Variants in TDP1 observed in about 807,000 individuals in gnomAD.
TDP1 encodes tyr-DNA phosphodiesterase 1.
A neutral mutation model predicts 81.5 loss-of-function variants in TDP1; 64 were observed. The ratio of observed to expected loss-of-function variants is 0.79; its 90% CI spans 0.64 to 0.97. The LOEUF is 0.97. Ranked by LOEUF, TDP1 falls within the 50% of genes least tolerant of loss-of-function variation. The pLI is 0.00. For synonymous variants in TDP1, 256 were observed against 264.3 expected, an observed-to-expected ratio of 0.97 and a Z score of 0.30; for missense variants, 723 against 743.8, an observed-to-expected ratio of 0.97 and a Z score of 0.33.
At chr14:89,989,876 T>C (rs1895994064) in intron 12 of TDP1, 111 bp downstream of exon 12, 5 of 831,072 alleles carry the variant, frequency 6.0e-6, no homozygotes, top group Admixed American at 3.9e-5. Flanking sequence ...CACTTAACTA[T>C]ATAAGGATCA....
chr14:90,026,838 T>A (rs188773266), intron 15 of TDP1, among the ~76,000 whole-genome samples: 1 of 152,370 alleles, frequency 6.6e-6, no homozygotes, highest in East Asian at 1.9e-4. Context: ...ATGTGCCACA[T>A]TTTCTTCATC....
chr14:89,985,259 T>G, intron 10 of TDP1, 49 bp downstream of exon 10: 1 of 1,068,816 alleles, frequency 9.4e-7, no homozygotes, highest in Non-Finnish European at 1.4e-6. Context: ...TTAATGTATA[T>G]TCTCTCTTTT....
chr14:90,041,234 T>C (rs568024257), intron 16 of TDP1, among the ~76,000 whole-genome samples: 2 of 152,320 alleles, frequency 1.3e-5, no homozygotes, highest in East Asian at 3.9e-4. Context: ...GAGCAAGGGC[T>C]TGCTGAGGCC....
chr14:89,984,561 C>T lies in TDP1; in HGVS notation c.930C>T (p.His310=), dbSNP rs1347483075. 2.5e-6 allele frequency: 4 copies of T among 1,613,998 alleles called. No individual in the cohort carries two copies. In the African/African-American group the frequency reaches 5.3e-5, roughly 22 times the overall value. The change falls in exon 9 of 17, where the codon CAC becomes CAT. Residue 310 remains histidine (H), a synonymous_variant. Coordinates refer to ENST00000335725, the MANE Select transcript of TDP1 (RefSeq NM_018319.4). ...ACCCACGAATTGCTGATGGAACCCA[C>T]AAATCTGGAGAGTCGCCAACACATT... ...PLYPRIADGT[H]KSGESPTHFK... is the part of the protein sequence containing the mutation.
At chr14:89,977,558 A>G (rs1894493412) in intron 7 of TDP1, among the ~76,000 whole-genome samples, 1 of 152,200 alleles carries the variant, frequency 6.6e-6, no homozygotes, top group Non-Finnish European at 1.5e-5. Context: ...TCGGCCTCCC[A>G]AAGTGCCGGG....
chr14:90,040,043 C>A (rs1888212841), intron 16 of TDP1, among the ~76,000 whole-genome samples: 1 of 152,154 alleles, frequency 6.6e-6, no homozygotes, highest in Non-Finnish European at 1.5e-5. Flanking sequence ...CACAGTATGA[C>A]CACAGGGAGA....
chr14:89,976,657 C>T (rs1237449367), intron 7 of TDP1, among the ~76,000 whole-genome samples: 1 of 151,754 alleles, frequency 6.6e-6, no homozygotes. Flanking sequence ...CTGCCTCAGC[C>T]TCCCAAGTAG....
At chr14:89,974,093 G>A (rs970554605) in intron 6 of TDP1, among the ~76,000 whole-genome samples, 31 of 152,140 alleles carry the variant, frequency 2.0e-4, no homozygotes, top group African/African-American at 5.8e-4. Context: ...ATTTGGTGGG[G>A]GACAGAAGTG....
chr14:90,021,127 G>A (rs35821221), intron 15 of TDP1, among the ~76,000 whole-genome samples: 2,624 of 152,144 alleles, frequency 0.017, 68 homozygotes, highest in African/African-American at 0.059. Context: ...CACCTTCCCA[G>A]CCCACCCCAG....
intron 14 of TDP1, among the ~76,000 whole-genome samples, chr14:90,003,297 G>A (rs866455959): frequency 6.6e-6 from 1 of 152,198 alleles, no homozygotes; most frequent in East Asian, 1.9e-4. Context: ...AGTACCGTCA[G>A]CCAGATTTAT....
intron 10 of TDP1, chr14:89,988,508 G>T: frequency 2.6e-6 from 2 of 779,584 alleles, no homozygotes; most frequent in Non-Finnish European, 3.1e-6. Context: ...CAGGAAACAG[G>T]GATGAAGACC....
chr14:90,005,354 C>A (rs1378997895), intron 14 of TDP1, among the ~76,000 whole-genome samples: 1 of 152,120 alleles, frequency 6.6e-6, no homozygotes, highest in Non-Finnish European at 1.5e-5. Flanking sequence ...CAGAGATACT[C>A]GCCCTTGTTT....
chr14:89,965,390 G>C (rs1892817022), intron 3 of TDP1, among the ~76,000 whole-genome samples: 1 of 152,072 alleles, frequency 6.6e-6, no homozygotes, highest in African/African-American at 2.4e-5. Context: ...TCCTAAGAAG[G>C]CTCCTCCGAT....
chr14:90,027,723 G>A (rs1014427263), intron 15 of TDP1, among the ~76,000 whole-genome samples: 1 of 152,184 alleles, frequency 6.6e-6, no homozygotes, highest in Non-Finnish European at 1.5e-5. Flanking sequence ...CTTACAAGCT[G>A]TGTTAGATTT....
chr14:90,012,018 C>G (rs1240875731), intron 14 of TDP1, among the ~76,000 whole-genome samples: 3 of 152,228 alleles, frequency 2.0e-5, no homozygotes, highest in Non-Finnish European at 4.4e-5. Flanking sequence ...GAGGAAATGG[C>G]TTTGTGGGCC....
chr14:89,988,107 C>T (rs570376288), intron 10 of TDP1, among the ~76,000 whole-genome samples: 1 of 152,282 alleles, frequency 6.6e-6, no homozygotes, highest in East Asian at 1.9e-4. Flanking sequence ...ATAAAGGATA[C>T]AGATGAAGAG....
chr14:89,969,592 CATT>C (rs1272170332), intron 5 of TDP1, among the ~76,000 whole-genome samples: 1 of 152,108 alleles, frequency 6.6e-6, no homozygotes, highest in Non-Finnish European at 1.5e-5. Flanking sequence ...GTGTTTCTTA[CATT>C]ATTCTGTTTT....
intron 14 of TDP1, among the ~76,000 whole-genome samples, chr14:90,004,482 GCTA>G (rs1170408031): frequency 1.3e-5 from 2 of 152,162 alleles, no homozygotes. Flanking sequence ...GCTAGGTACT[GCTA>G]CTATCCCCAT....
intron 5 of TDP1, among the ~76,000 whole-genome samples, chr14:89,967,980 C>T (rs1049280185): frequency 2.0e-5 from 3 of 152,136 alleles, no homozygotes; most frequent in Non-Finnish European, 4.4e-5. Context: ...CTATTTCTAA[C>T]ACATTTACGG....
Sources: gnomAD v4.1 joint callset for allele counts (sites outside exome capture counted in the v4.1 genomes callset) on GRCh38, gnomAD v4.1.1 for gene constraint, MANE v1.5 for transcripts, NCBI Gene and HGNC (gene_info 2026-07-23, HGNC 2026-07-21) for gene names.